Variants in KAZN observed in about 807,000 individuals in gnomAD.
KAZN encodes kazrin.
KAZN carries 40 observed loss-of-function variants against 87.4 expected under a neutral mutation model. The ratio of observed to expected loss-of-function variants is 0.46; its 90% CI spans 0.36 to 0.60. The LOEUF (loss-of-function observed/expected upper bound fraction) is 0.60. Ranked by LOEUF, KAZN falls within the 20% of genes least tolerant of loss-of-function variation. KAZN has a pLI of 0.00. For synonymous variants in KAZN, 466 were observed against 458.3 expected (o/e 1.02, Z -0.22); for missense variants, 898 against 1,073.9 (o/e 0.84, Z 2.29).
rs904433262 is a variant in KAZN, at chr1:15,116,361, G to A, written c.*1726G>A. ...TTACACCTCTCTCATGCCGAAGACC[G>A]TGGTGTTCCCCCTAATGACATAAAC... is the stretch of plus-strand genomic sequence containing the variant. On this transcript the variant is annotated 3_prime_UTR_variant, in exon 15 of 15. Coordinates refer to ENST00000376030, the MANE Select transcript of KAZN (RefSeq NM_201628.3). The A allele has an allele frequency of 2.6e-5, 4 of 152,160 alleles. No individual in the cohort carries two copies. The highest frequency in any genetic ancestry group is 7.2e-5 in the African/African-American group (3 of 41,444). 9.4% of individuals were successfully genotyped at this position (152,160 alleles called of 1,614,324 possible). A position where few individuals can be genotyped will look rare whatever the true frequency, so the allele number is the denominator to read the frequency against.
At chr1:13,990,036 A>G (rs907054216) in intron 1 of KAZN, among the ~76,000 whole-genome samples, 1 of 152,230 alleles carries the variant, frequency 6.6e-6, no homozygotes, top group Non-Finnish European at 1.5e-5. Context: ...GGCATTGCCA[A>G]TAGGGAGACT....
intron 2 of KAZN, among the ~76,000 whole-genome samples, chr1:14,525,874 C>G (rs12759765): frequency 0.52 from 79,282 of 152,076 alleles, 20,960 homozygotes; most frequent in South Asian, 0.62. Context: ...GAGTTTGAGT[C>G]ACTTTCCTAT....
At chr1:14,567,883 C>A (rs966087799) in intron 2 of KAZN, among the ~76,000 whole-genome samples, 5 of 152,228 alleles carry the variant, frequency 3.3e-5, no homozygotes, top group African/African-American at 1.2e-4. Flanking sequence ...CTGTGGTAGG[C>A]AGAATTCTAA....
chr1:14,607,089 TG>T (rs778894093), intron 1 of KAZN, among the ~76,000 whole-genome samples: 68 of 152,138 alleles, frequency 4.5e-4, no homozygotes, highest in Admixed American at 2.0e-4. Flanking sequence ...AATGAATAGA[TG>T]GATGGATGGG....
chr1:14,764,490 C>T (rs1472792172), intron 1 of KAZN, among the ~76,000 whole-genome samples: 2 of 150,544 alleles, frequency 1.3e-5, no homozygotes, highest in African/African-American at 2.5e-5. Flanking sequence ...TGTTATCCGC[C>T]GCCCCTCTGC....
chr1:14,712,520 A>G (rs1642540544), intron 1 of KAZN, among the ~76,000 whole-genome samples: 1 of 152,188 alleles, frequency 6.6e-6, no homozygotes, highest in Non-Finnish European at 1.5e-5. Flanking sequence ...CTATCTGACT[A>G]GAGAGAAAAC....
intron 1 of KAZN, among the ~76,000 whole-genome samples, chr1:14,862,676 T>C (rs1651005115): frequency 6.6e-6 from 1 of 152,076 alleles, no homozygotes; most frequent in African/African-American, 2.4e-5. Flanking sequence ...ACCTGGGAGT[T>C]TCGAATCAGT....
chr1:14,970,229 C>G (rs1338043720), intron 2 of KAZN, among the ~76,000 whole-genome samples: 1 of 152,186 alleles, frequency 6.6e-6, no homozygotes, highest in South Asian at 2.1e-4. Flanking sequence ...CCAGTTTCCC[C>G]GTTAAGATCC....
At chr1:14,138,134 G>A (rs974023234) in intron 1 of KAZN, among the ~76,000 whole-genome samples, 6 of 150,764 alleles carry the variant, frequency 4.0e-5, no homozygotes, top group East Asian at 3.9e-4. Flanking sequence ...GTTAAAATGC[G>A]TTCAGTTGCA....
intron 1 of KAZN, among the ~76,000 whole-genome samples, chr1:14,094,175 CAGG>C (rs984911627): frequency 1.3e-5 from 2 of 152,014 alleles, no homozygotes; most frequent in African/African-American, 4.8e-5. Flanking sequence ...AACGGGAGGG[CAGG>C]AGAAGGTCAA....
At chr1:14,365,731 T>C (rs1659941646) in intron 2 of KAZN, among the ~76,000 whole-genome samples, 1 of 152,132 alleles carries the variant, frequency 6.6e-6, no homozygotes, top group East Asian at 1.9e-4. Flanking sequence ...TTACCAAATA[T>C]CCCTTGAGGA....
At chr1:14,421,105 A>G (rs751245771) in intron 2 of KAZN, among the ~76,000 whole-genome samples, 2 of 152,230 alleles carry the variant, frequency 1.3e-5, no homozygotes, top group East Asian at 1.9e-4. Flanking sequence ...CTTAAACACT[A>G]TGCCTTAGGT....
chr1:14,709,575 C>T (rs1642384097), intron 1 of KAZN, among the ~76,000 whole-genome samples: 1 of 152,074 alleles, frequency 6.6e-6, no homozygotes, highest in Non-Finnish European at 1.5e-5. Context: ...GACGGTCCAC[C>T]TAGGAAAGCT....
rs112663501 is a variant in KAZN at position 13,941,089 on chromosome 1, G to A, written c.91+47333G>A. On this transcript the variant is annotated intron_variant, in intron 1 of 16. Transcript: ENST00000636203. ...CATGCCTATAATCCCAGCTACTCGG[G>A]AGGCTGAGGGGGAGAGAATCGCTTG... Among the ~76,000 whole-genome samples the A allele has an allele frequency of 8.3e-3, 1,259 of 152,216 alleles. 15 individuals carry two copies. Among genetic ancestry groups the A allele is most frequent in the African/African-American group, 0.029 (1,187 of 41,506 alleles).
intron 2 of KAZN, among the ~76,000 whole-genome samples, chr1:14,411,169 G>A (rs960108056): frequency 2.0e-5 from 3 of 152,226 alleles, no homozygotes; most frequent in Non-Finnish European, 2.9e-5. Context: ...GCAATGACCA[G>A]AATGACAGTA....
chr1:14,288,329 G>A (rs919824321), intron 2 of KAZN, among the ~76,000 whole-genome samples: 1 of 152,030 alleles, frequency 6.6e-6, no homozygotes. Context: ...TTGGTTGGTA[G>A]GCTATTAATT....
chr1:14,627,579 G>A (rs1679240422), intron 1 of KAZN, among the ~76,000 whole-genome samples: 2 of 152,160 alleles, frequency 1.3e-5, no homozygotes, highest in South Asian at 4.1e-4. Flanking sequence ...TGTGAAGGCA[G>A]GGGCTGCGTC....
intron 1 of KAZN, among the ~76,000 whole-genome samples, chr1:14,166,841 A>C (rs1421429156): frequency 6.6e-6 from 1 of 152,174 alleles, no homozygotes; most frequent in Non-Finnish European, 1.5e-5. Flanking sequence ...CACTTTTCAA[A>C]TGTCATTAAT....
chr1:14,714,567 T>C (rs1275080006), intron 1 of KAZN, among the ~76,000 whole-genome samples: 1 of 152,048 alleles, frequency 6.6e-6, no homozygotes, highest in Non-Finnish European at 1.5e-5. Flanking sequence ...TGCTAATGCG[T>C]TGCTCTTCCC....
Sources: allele counts gnomAD v4.1 joint callset (sites outside exome capture counted in the v4.1 genomes callset), GRCh38; gene constraint gnomAD v4.1.1; transcripts MANE v1.5; gene names NCBI Gene and HGNC (gene_info 2026-07-23, HGNC 2026-07-21).